The following TTC28 variants were observed in gnomAD, a reference collection of about 807,000 sequenced individuals.
TTC28 encodes tetratricopeptide repeat domain 28.
Under a neutral mutation model 198.0 loss-of-function variants are expected in TTC28, and 61 were observed. That is an observed-to-expected ratio of 0.31 (90% CI 0.25 to 0.38). The LOEUF (loss-of-function observed/expected upper bound fraction) is 0.38, where lower values mean the gene tolerates loss of function less well. Among genes scored for constraint, TTC28 ranks in the 10% least tolerant of loss-of-function variants. TTC28 has a pLI of 1.00. For missense variants in TTC28, 2,678 were observed against 3,164.0 expected, an observed-to-expected ratio of 0.85 and a Z score of 3.69; for synonymous variants, 1,171 against 1,297.8, an observed-to-expected ratio of 0.90 and a Z score of 2.10.
At chr22:28,258,902 A>AGTGTGTGTGT (rs34572491) in intron 5 of TTC28, among the ~76,000 whole-genome samples, 5 of 147,826 alleles carry the variant, frequency 3.4e-5, no homozygotes, top group African/African-American at 7.4e-5. Flanking sequence ...TTGGTTAAAG[A>AGTGTGTGTGT]GTGTGTGTGT....
chr22:27,999,487 C>CCCCTACCATCCAGTCCTGA, intron 15 of TTC28: 2 of 651,046 alleles, frequency 3.1e-6, no homozygotes, highest in Non-Finnish European at 5.1e-6. Context: ...ACCATCAGGA[C>CCCCTACCATCCAGTCCTGA]TGGATGGTAG....
At chr22:28,670,723 A>G (rs2051866330) in intron 1 of TTC28, among the ~76,000 whole-genome samples, 1 of 150,126 alleles carries the variant, frequency 6.7e-6, no homozygotes, top group African/African-American at 2.5e-5. Context: ...ATATATATAT[A>G]TGAGTGGAAT....
chr22:28,263,373 C>T (rs372457470), intron 5 of TTC28, among the ~76,000 whole-genome samples: 4 of 152,080 alleles, frequency 2.6e-5, no homozygotes, highest in Admixed American at 1.3e-4. Context: ...TTCTGATTCA[C>T]ATATTATAAT....
chr22:28,656,465 T>A (rs907625389), intron 1 of TTC28, among the ~76,000 whole-genome samples: 2 of 152,218 alleles, frequency 1.3e-5, no homozygotes, highest in Non-Finnish European at 2.9e-5. Context: ...AGGGAGCAGC[T>A]GGCAAAGCTG....
chr22:28,374,908 C>G (rs955046727), intron 2 of TTC28, among the ~76,000 whole-genome samples: 5 of 151,212 alleles, frequency 3.3e-5, no homozygotes, highest in African/African-American at 1.2e-4. Flanking sequence ...CCAGGCTGTT[C>G]ATGAATGTAA....
At chr22:28,422,115 T>C (rs2047264187) in intron 2 of TTC28, among the ~76,000 whole-genome samples, 1 of 152,096 alleles carries the variant, frequency 6.6e-6, no homozygotes, top group South Asian at 2.1e-4. Flanking sequence ...AATATAAGTA[T>C]CTCTGCTAAA....
chr22:28,136,175 C>T (rs1009520453), intron 6 of TTC28, among the ~76,000 whole-genome samples: 2 of 152,098 alleles, frequency 1.3e-5, no homozygotes, highest in Non-Finnish European at 2.9e-5. Flanking sequence ...TATGGGGTCT[C>T]CCTCTGTTGC....
At chr22:28,469,086 C>T (rs1203087208) in intron 2 of TTC28, among the ~76,000 whole-genome samples, 1 of 152,150 alleles carries the variant, frequency 6.6e-6, no homozygotes, top group African/African-American at 2.4e-5. Flanking sequence ...AAGTCTGAGG[C>T]CATGTTTGTC....
intron 13 of TTC28, among the ~76,000 whole-genome samples, chr22:28,018,244 A>T (rs1938445246): frequency 8.7e-6 from 1 of 114,904 alleles, no homozygotes. Flanking sequence ...GCTGCTATTC[A>T]GTGTGTGTGT....
chr22:28,466,017 C>T (rs2048014940), intron 2 of TTC28, among the ~76,000 whole-genome samples: 1 of 152,228 alleles, frequency 6.6e-6, no homozygotes, highest in South Asian at 2.1e-4. Context: ...TTCCTCTATA[C>T]TAGCTGTAAA....
At chr22:28,180,560 C>T (rs1316940565) in intron 5 of TTC28, among the ~76,000 whole-genome samples, 1 of 151,838 alleles carries the variant, frequency 6.6e-6, no homozygotes, top group Non-Finnish European at 1.5e-5. Context: ...AGATAGAATC[C>T]CAAAATATGT....
chr22:28,323,403 C>T (rs1014437428), intron 2 of TTC28, among the ~76,000 whole-genome samples: 2 of 152,102 alleles, frequency 1.3e-5, no homozygotes, highest in African/African-American at 4.8e-5. Flanking sequence ...AGAATCCTAT[C>T]AGATAAATTT....
intron 19 of TTC28, 44 bp downstream of exon 19, chr22:27,992,543 G>C (rs1311899294): frequency 1.1e-4 from 169 of 1,542,182 alleles, no homozygotes; most frequent in East Asian, 2.4e-5. Flanking sequence ...TTCCAAATCA[G>C]CATGGGCCTC....
chr22:28,077,321 C>T (rs184642055), intron 12 of TTC28, among the ~76,000 whole-genome samples: 29 of 152,314 alleles, frequency 1.9e-4, no homozygotes, highest in Admixed American at 1.3e-3. Flanking sequence ...AACAGGGTCT[C>T]ATTCTGTCAC....
intron 12 of TTC28, among the ~76,000 whole-genome samples, chr22:28,058,169 C>T (rs930066422): frequency 1.3e-5 from 2 of 151,882 alleles, no homozygotes; most frequent in African/African-American, 4.8e-5. Context: ...AACTACTCAA[C>T]AGTAGTGTTG....
intron 12 of TTC28, among the ~76,000 whole-genome samples, chr22:28,064,450 T>A (rs1940676484): frequency 6.6e-6 from 1 of 152,120 alleles, no homozygotes; most frequent in African/African-American, 2.4e-5. Flanking sequence ...TCAAATTTTG[T>A]GTATAAACTC....
At chr22:28,324,971 C>A (rs1038611619) in intron 2 of TTC28, among the ~76,000 whole-genome samples, 1 of 152,128 alleles carries the variant, frequency 6.6e-6, no homozygotes, top group Non-Finnish European at 1.5e-5. Flanking sequence ...GCTTTGGTAT[C>A]GGGATGATGC....
chr22:28,312,481 T>C (rs1448621764), intron 2 of TTC28, among the ~76,000 whole-genome samples: 1 of 152,062 alleles, frequency 6.6e-6, no homozygotes, highest in Non-Finnish European at 1.5e-5. Flanking sequence ...CCTCAGCAAA[T>C]ATAAAAGAAC....
chr22:28,414,510 A>AGCATTCTG, intron 2 of TTC28, among the ~76,000 whole-genome samples: 1 of 152,136 alleles, frequency 6.6e-6, no homozygotes, highest in Admixed American at 6.6e-5. Flanking sequence ...ATGGTGGGAA[A>AGCATTCTG]AGCATTCTGA....
Sources: gnomAD v4.1 joint callset for allele counts (sites outside exome capture counted in the v4.1 genomes callset) on GRCh38, gnomAD v4.1.1 for gene constraint, MANE v1.5 for transcripts, NCBI Gene and HGNC (gene_info 2026-07-23, HGNC 2026-07-21) for gene names.